XRCC4: variants seen among roughly 807,000 people sequenced by gnomAD.
XRCC4 encodes the protein X-ray repair cross complementing 4.
Under a neutral mutation model 39.1 loss-of-function variants are expected in XRCC4, and 28 were observed. The observed-to-expected ratio is 0.72, with a 90% CI of 0.53 to 0.98. The LOEUF (loss-of-function observed/expected upper bound fraction) is 0.98, where lower values mean the gene tolerates loss of function less well. Ranked by LOEUF, XRCC4 falls within the 50% of genes least tolerant of loss-of-function variation. XRCC4 has a pLI of 0.00. For synonymous variants in XRCC4, 123 were observed against 126.4 expected, an observed-to-expected ratio of 0.97 and a Z score of 0.18; for missense variants, 350 against 376.4, an observed-to-expected ratio of 0.93 and a Z score of 0.58.
At chr5:83,253,135 T>G (rs1268131685) in intron 6 of XRCC4, among the ~76,000 whole-genome samples, 1 of 151,750 alleles carries the variant, frequency 6.6e-6, no homozygotes, top group Non-Finnish European at 1.5e-5. Flanking sequence ...AGTAAAGGAG[T>G]AGAGGGCATT....
chr5:83,133,614 G>C (rs1580269160), intron 3 of XRCC4, among the ~76,000 whole-genome samples: 2 of 152,170 alleles, frequency 1.3e-5, no homozygotes, highest in East Asian at 3.9e-4. Flanking sequence ...TAGCCTTGCT[G>C]CCCCCTTGCA....
At chr5:83,374,377 C>T in the XRCC4 span, among the ~76,000 whole-genome samples, 2 of 152,158 alleles carry the variant, frequency 1.3e-5, no homozygotes, top group Non-Finnish European at 2.9e-5. Context: ...TGTTTACCGC[C>T]AGGTGAGACG....
intron 3 of XRCC4, among the ~76,000 whole-genome samples, chr5:83,141,058 G>A (rs978398570): frequency 4.6e-5 from 7 of 152,112 alleles, no homozygotes; most frequent in African/African-American, 7.2e-5. Flanking sequence ...AGGGTAGTAC[G>A]CTATAAACAC....
At position 83,244,654 on chromosome 5, in the gene XRCC4, C is replaced by T. The variant is rs1053230559; in HGVS notation, c.746-13876C>T. ...TAAATTCCAGCTATTTCAACAGCAC[C>T]AAACTCTACTTTGTGCCTCTTTAGT... On this transcript the variant is annotated intron_variant, in intron 6 of 7. Transcript: ENST00000396027. Among the ~76,000 whole-genome samples the T allele has an allele frequency of 2.6e-5, 4 of 152,086 alleles. No individual in the cohort carries two copies. The South Asian group carries it at 8.3e-4, about 32-fold the overall frequency.
chr5:83,140,614 T>C (rs116815237), intron 3 of XRCC4, among the ~76,000 whole-genome samples: 1 of 152,348 alleles, frequency 6.6e-6, no homozygotes, highest in African/African-American at 2.4e-5. Flanking sequence ...CATCACAGCA[T>C]GTAAAACAGT....
chr5:83,191,304 C>T (rs1750681566), intron 3 of XRCC4, among the ~76,000 whole-genome samples: 1 of 152,132 alleles, frequency 6.6e-6, no homozygotes, highest in African/African-American at 2.4e-5. Context: ...CAACAATTCC[C>T]GTGTGTCATG....
At chr5:83,162,025 G>C (rs1749237122) in intron 3 of XRCC4, among the ~76,000 whole-genome samples, 2 of 152,058 alleles carry the variant, frequency 1.3e-5, no homozygotes, top group Admixed American at 6.6e-5. Flanking sequence ...AAATTAGCCA[G>C]GTGTGGTGGC....
chr5:83,225,428 AAGGGAT>A (rs1434443495), intron 6 of XRCC4, among the ~76,000 whole-genome samples: 7 of 151,788 alleles, frequency 4.6e-5, no homozygotes, highest in Non-Finnish European at 1.0e-4. Flanking sequence ...TTTGATCCAA[AAGGGAT>A]AGCTGCTGGA....
chr5:83,327,749 A>G (rs961820869), intron 7 of XRCC4, among the ~76,000 whole-genome samples: 4 of 152,118 alleles, frequency 2.6e-5, no homozygotes, highest in African/African-American at 9.7e-5. Flanking sequence ...AAAGAAGTTT[A>G]ATAAAATTCA....
At chr5:83,267,930 C>T (rs1182245830) in intron 7 of XRCC4, among the ~76,000 whole-genome samples, 2 of 152,034 alleles carry the variant, frequency 1.3e-5, no homozygotes, top group Non-Finnish European at 2.9e-5. Context: ...GTAGGCAGAA[C>T]GTAGAGCACA....
At chr5:83,103,861 C>T (rs1179869652) in intron 1 of XRCC4, among the ~76,000 whole-genome samples, 2 of 152,120 alleles carry the variant, frequency 1.3e-5, no homozygotes, top group African/African-American at 4.8e-5. Flanking sequence ...GCCCTCATCT[C>T]TGTTAGAAGA....
At chr5:83,357,822 G>A (rs911267496), downstream of XRCC4, among the ~76,000 whole-genome samples, 3 of 152,110 alleles carry the variant, frequency 2.0e-5, no homozygotes, top group Non-Finnish European at 4.4e-5. Context: ...GAGCTGCCCC[G>A]GAGAAGCAAG....
chr5:83,221,581 C>T (rs1752084556), intron 6 of XRCC4, among the ~76,000 whole-genome samples: 1 of 151,776 alleles, frequency 6.6e-6, no homozygotes, highest in Non-Finnish European at 1.5e-5. Context: ...ATTTAGAGCT[C>T]CTTAAAAGAG....
At chr5:83,232,004 C>T (rs1752513536) in intron 6 of XRCC4, among the ~76,000 whole-genome samples, 1 of 152,000 alleles carries the variant, frequency 6.6e-6, no homozygotes, top group Admixed American at 6.6e-5. Context: ...AATACACTCC[C>T]TTGATCTCAG....
chr5:83,264,599 G>A (rs1342457308), intron 7 of XRCC4, among the ~76,000 whole-genome samples: 1 of 151,902 alleles, frequency 6.6e-6, no homozygotes, highest in Non-Finnish European at 1.5e-5. Flanking sequence ...TGAGCATATG[G>A]GAAACTCGTA....
At chr5:83,240,958 A>G (rs1256157848) in intron 6 of XRCC4, among the ~76,000 whole-genome samples, 1 of 152,170 alleles carries the variant, frequency 6.6e-6, no homozygotes, top group Non-Finnish European at 1.5e-5. Flanking sequence ...ATTCAGGGCC[A>G]GGCGCGGTGG....
intron 7 of XRCC4, 39 bp from the exon 8 acceptor site, chr5:83,353,092 T>TTAAAAA: frequency 6.6e-7 from 1 of 1,512,696 alleles, no homozygotes; most frequent in Non-Finnish European, 8.9e-7. Context: ...ACAGAAGTTT[T>TTAAAAA]TAAAAATAAA....
At chr5:83,272,682 G>A (rs1443928102) in intron 7 of XRCC4, among the ~76,000 whole-genome samples, 2 of 152,060 alleles carry the variant, frequency 1.3e-5, no homozygotes, top group African/African-American at 2.4e-5. Context: ...TGCAGTGTTT[G>A]GTTTTCTGTT....
intron 3 of XRCC4, among the ~76,000 whole-genome samples, chr5:83,181,148 A>T (rs1005620502): frequency 4.4e-5 from 6 of 137,170 alleles, no homozygotes; most frequent in Non-Finnish European, 6.4e-5. Flanking sequence ...ATTATCTATT[A>T]TCTTTTTATT....
Sources: allele counts gnomAD v4.1 joint callset (sites outside exome capture counted in the v4.1 genomes callset), GRCh38; gene constraint gnomAD v4.1.1; transcripts MANE v1.5; gene names NCBI Gene and HGNC (gene_info 2026-07-23, HGNC 2026-07-21).